Variants in NACC1 observed in about 807,000 individuals in gnomAD.
The protein encoded by NACC1 is nucleus accumbens-associated protein 1.
NACC1 carries 6 observed loss-of-function variants against 41.7 expected under a neutral mutation model. That is an observed-to-expected ratio of 0.14 (90% CI 0.08 to 0.28). The LOEUF is 0.28. Among genes scored for constraint, NACC1 ranks in the 10% least tolerant of loss-of-function variants. NACC1 has a pLI of 1.00. For missense variants in NACC1, 434 were observed against 763.7 expected (o/e 0.57, Z 5.09); for synonymous variants, 338 against 330.6 (o/e 1.02, Z -0.24).
rs1166608140 is a variant in NACC1 at position 13,135,307 on chromosome 19, G to C, written c.100G>C (p.Val34Leu). Residue 34 changes from valine to leucine, a missense_variant, in exon 2 of 6, where the codon GTG (valine) becomes CTG (leucine). Val to Leu is a conservative substitution (Grantham distance 32, BLOSUM62 1). Transcript: ENST00000292431. Reference protein sequence around the residue: ...RLQGLYCDVSVVVKGHAFKAH... With the variant: ...RLQGLYCDVSLVVKGHAFKAH... ...GCAGGGCCTGTACTGTGACGTGTCAGTGGTGGTCAAGGGCCATGCCTTCAA... is the reference window on the plus strand; with the variant it reads ...GCAGGGCCTGTACTGTGACGTGTCACTGGTGGTCAAGGGCCATGCCTTCAA... 6.2e-7 allele frequency: 1 copy of C among 1,613,864 alleles called. No homozygotes were observed. Among genetic ancestry groups the C allele is most frequent in the East Asian group, 2.2e-5 (1 of 44,882 alleles).
Position 13,137,650 on chromosome 19 carries a change from C to A in NACC1, c.1324+75C>A. Reference sequence around the variant, plus strand: ...GACGTTTTTTCCCAGCCTTGGCTCTCAGAGAGGGCTAGAGTTCAGTGTTGA... The same window carrying A: ...GACGTTTTTTCCCAGCCTTGGCTCTAAGAGAGGGCTAGAGTTCAGTGTTGA... On this transcript the variant is annotated intron_variant, in intron 5 of 5. Coordinates refer to ENST00000292431, the MANE Select transcript of NACC1 (RefSeq NM_052876.4). The surrounding 1 kb of genome is among the most constrained non-coding windows in gnomAD (Gnocchi z 6.1). The A allele has an allele frequency of 7.9e-7, 1 of 1,262,652 alleles. No homozygotes were observed. The allele number at this position is 1,262,652 out of a possible 1,614,324, so 78.2% of individuals were successfully genotyped here.
chr19:13,134,481 T>C (rs1277036816), intron 1 of NACC1, among the ~76,000 whole-genome samples: 3 of 151,974 alleles, frequency 2.0e-5, no homozygotes, highest in African/African-American at 7.3e-5. Flanking sequence ...AGTAATTATC[T>C]GGCTTCAGCC....
Position 13,137,872 on chromosome 19 carries a change from G to A in NACC1, c.1325-275G>A, listed in dbSNP as rs2019729114. 6.6e-6 allele frequency among the ~76,000 whole-genome samples: 1 copy of A among 152,230 alleles called. No individual in the cohort carries two copies. Reference sequence around the variant, plus strand: ...AGCCACTCGTCATGGGGGGCATCTAGATTTTCAAGTGACCACTCCCCGTTA... The same window carrying A: ...AGCCACTCGTCATGGGGGGCATCTAAATTTTCAAGTGACCACTCCCCGTTA... On this transcript the variant is annotated intron_variant, in intron 5 of 5. Coordinates refer to ENST00000292431, the MANE Select transcript of NACC1 (RefSeq NM_052876.4). The surrounding 1 kb of genome is among the most constrained non-coding windows in gnomAD (Gnocchi z 6.1).
At chr19:13,128,895 G>A (rs2019597144) in intron 1 of NACC1, among the ~76,000 whole-genome samples, 1 of 152,234 alleles carries the variant, frequency 6.6e-6, no homozygotes. Flanking sequence ...GTCCTGGCCA[G>A]GAAGGTCCCA....
Position 13,138,171 on chromosome 19 carries a change from A to C in NACC1, c.1349A>C (p.Asn450Thr). 1.9e-6 allele frequency: 3 copies of C among 1,614,008 alleles called. No individual in the cohort carries two copies. Among genetic ancestry groups the C allele is most frequent in the Non-Finnish European group, 2.5e-6 (3 of 1,179,916 alleles). Reference sequence around the variant, plus strand: ...GACTACTGCCAGAACTTCGCCCCCAACTTCAAGGAGAGCGAGATGAATGCC... The same window carrying C: ...GACTACTGCCAGAACTTCGCCCCCACCTTCAAGGAGAGCGAGATGAATGCC... ...VKYYCQNFAP[N>T]FKESEMNAIA... The change falls in exon 6 of 6, where the codon AAC (asparagine) becomes ACC (threonine). Residue 450 changes from asparagine (N) to threonine (T), a missense_variant. Asn to Thr is a moderately conservative substitution (Grantham distance 65). Transcript: ENST00000292431. The surrounding 1 kb of genome is among the most constrained non-coding windows in gnomAD (Gnocchi z 5.7).
chr19:13,134,571 G>A (rs529889061), intron 1 of NACC1, among the ~76,000 whole-genome samples: 3 of 152,012 alleles, frequency 2.0e-5, no homozygotes, highest in Admixed American at 2.0e-4. Flanking sequence ...GTTTTGCCAC[G>A]TTGGCCAAGC....
In NACC1 at chr19:13,135,694, G is replaced by A. The variant is rs374752584; in HGVS notation, c.487G>A (p.Val163Met). The A allele has an allele frequency of 8.4e-6, 13 of 1,552,896 alleles. No individual in the cohort carries two copies. In the Admixed American group the frequency reaches 1.9e-4, roughly 23 times the overall value. The change falls in exon 2 of 6, where the codon GTG becomes ATG. Residue 163 changes from valine to methionine, a missense_variant. This residue lies in a region of NACC1 where 234 missense variants were observed against 308.3 expected (regional missense o/e 0.76). Coordinates refer to ENST00000292431, the MANE Select transcript of NACC1 (RefSeq NM_052876.4). ...AGCCTGTAGCACCCCGCTGCCCCTC[G>A]TGTCGCGGGTGAAGACGGAGCAGCA... ...WPACSTPLPL[V>M]SRVKTEQQES...
chr19:13,136,256 A>G lies in NACC1; in HGVS notation c.971A>G (p.Glu324Gly). ...GCCGAGAAGGTGGAGGCCCTCCCGG[A>G]GCAGGTAGCCCCCGAGTCCCGAAAT... ...QTAEKVEALP[E>G]QVAPESRNRI... is the part of the protein sequence containing the mutation. Residue 324 changes from glutamate to glycine, a missense_variant, in exon 3 of 6, where the codon GAG becomes GGG. By Grantham distance (98) the Glu-to-Gly change is moderately conservative. Around this residue, in one of 4 missense-constraint regions of NACC1, gnomAD observed 234 missense variants for 308.3 expected, o/e 0.76. Transcript: ENST00000292431. This position sits in a 1 kb window ranked among gnomAD's most constrained non-coding sequence, Gnocchi z 5.5. The G allele has an allele frequency of 6.2e-7, 1 of 1,613,578 alleles. No individual in the cohort carries two copies. Among genetic ancestry groups the G allele is most frequent in the South Asian group, 1.1e-5 (1 of 91,028 alleles).
chr19:13,135,880 G>C lies in NACC1; in HGVS notation c.673G>C (p.Ala225Pro). 2 of 1,557,742 alleles carry C rather than the reference G, an allele frequency of 1.3e-6. No homozygotes were observed. Among genetic ancestry groups the C allele is most frequent in the South Asian group, 2.3e-5 (2 of 85,406 alleles). The change falls in exon 2 of 6, where the codon GCT becomes CCT. Residue 225 changes from alanine to proline, a missense_variant. Around this residue, in one of 4 missense-constraint regions of NACC1, gnomAD observed 234 missense variants for 308.3 expected, o/e 0.76. Transcript: ENST00000292431. ...TCACCAGCCCCCGCCACCCCAACAG[G>C]CTCCGGTGGTGGCAGCAGCCCAGCC... ...RPHQPPPPQQ[A>P]PVVAAAQPAV... is the part of the protein sequence containing the mutation.
Position 13,124,849 on chromosome 19 carries a change from T to TGGGAGGATTGCTTGAGCCC in NACC1, c.-9+6396_-9+6414dup, listed in dbSNP as rs567391865. Among the ~76,000 whole-genome samples the TGGGAGGATTGCTTGAGCCC allele has an allele frequency of 4.8e-3, 733 of 152,152 alleles. 5 individuals are homozygous for TGGGAGGATTGCTTGAGCCC. The highest frequency in any genetic ancestry group is 0.016 in the African/African-American group (671 of 41,516). ...AACCTCAGCATTTAGGAGGCTGAGA[T>TGGGAGGATTGCTTGAGCCC]GGGAGGATTGCTTGAGCCCAGGAGT... On this transcript the variant is annotated intron_variant, in intron 1 of 5. Transcript: ENST00000292431.
chr19:13,129,111 G>A (rs955106161), intron 1 of NACC1, among the ~76,000 whole-genome samples: 2 of 152,226 alleles, frequency 1.3e-5, no homozygotes, highest in Non-Finnish European at 2.9e-5. Flanking sequence ...GGAGAAGTGA[G>A]TAGCTGAGGG....
In NACC1 at chr19:13,120,004, G is replaced by A. The variant is rs182374427; in HGVS notation, c.-9+1550G>A. Among the ~76,000 whole-genome samples the A allele has an allele frequency of 6.6e-5, 10 of 152,338 alleles. No individual in the cohort carries two copies. The East Asian group carries it at 1.9e-3, about 29-fold the overall frequency. ...GCCCAAACCCATAGTCACTCAAGTG[G>A]CCTTCCAGGAGGGTGACTGAAGGAG... On this transcript the variant is annotated intron_variant, in intron 1 of 5. Transcript: ENST00000292431.
intron 1 of NACC1, among the ~76,000 whole-genome samples, chr19:13,124,978 A>G (rs1599985225): frequency 6.6e-6 from 1 of 152,092 alleles, no homozygotes; most frequent in East Asian, 1.9e-4. Context: ...TCCTGAGAAC[A>G]TATGTCTCTC....
intron 1 of NACC1, among the ~76,000 whole-genome samples, chr19:13,125,611 G>A (rs903944617): frequency 6.6e-6 from 1 of 151,960 alleles, no homozygotes; most frequent in Non-Finnish European, 1.5e-5. Flanking sequence ...GTAGAGACGG[G>A]GTTTCACTGT....
intron 1 of NACC1, among the ~76,000 whole-genome samples, chr19:13,119,593 C>G (rs1160478230): frequency 6.6e-6 from 1 of 152,182 alleles, no homozygotes; most frequent in Admixed American, 6.5e-5. Context: ...ATATTAGTAC[C>G]ATGGCCTCCC....
intron 1 of NACC1, among the ~76,000 whole-genome samples, chr19:13,131,404 G>A (rs1173271861): frequency 6.6e-6 from 1 of 152,178 alleles, no homozygotes; most frequent in Non-Finnish European, 1.5e-5. Flanking sequence ...CTTGTCATGT[G>A]GGCCCCAGTA....
chr19:13,126,787 G>A (rs1476360007), intron 1 of NACC1, among the ~76,000 whole-genome samples: 1 of 152,150 alleles, frequency 6.6e-6, no homozygotes, highest in Non-Finnish European at 1.5e-5. Flanking sequence ...AGGGAGTTAG[G>A]TTAGGAGGAA....
In NACC1 at chr19:13,122,528, G is replaced by T. The variant is rs1038518053; in HGVS notation, c.-9+4074G>T. 6.8e-4 allele frequency among the ~76,000 whole-genome samples: 102 copies of T among 150,872 alleles called. 1 individual carries two copies. Among genetic ancestry groups the T allele is most frequent in the South Asian group, 2.8e-3 (13 of 4,706 alleles). Reference sequence around the variant, plus strand: ...ACATTTTTGGTTGCCCCTGCCGGGGGGGGGGGGGTGTGCTGCTGGCATCTA... The same window carrying T: ...ACATTTTTGGTTGCCCCTGCCGGGGTGGGGGGGGTGTGCTGCTGGCATCTA... On this transcript the variant is annotated intron_variant, in intron 1 of 5. Coordinates refer to ENST00000292431, the MANE Select transcript of NACC1 (RefSeq NM_052876.4).
In NACC1 at chr19:13,135,731, C is replaced by T; in HGVS notation, c.524C>T (p.Ser175Phe). 1 of 1,557,462 alleles carries T rather than the reference C, an allele frequency of 6.4e-7. No individual in the cohort carries two copies. The highest frequency in any genetic ancestry group is 2.3e-5 in the East Asian group (1 of 42,586). ...RVKTEQQESD[S>F]VQCMPVAKRL... ...AAGACGGAGCAGCAGGAGTCGGACT[C>T]CGTGCAGTGCATGCCCGTGGCCAAG... Residue 175 changes from serine to phenylalanine, a missense_variant, in exon 2 of 6, where the codon TCC (serine) becomes TTC (phenylalanine). By Grantham distance (155) the Ser-to-Phe change is radical (BLOSUM62 -2). Coordinates refer to ENST00000292431, the MANE Select transcript of NACC1 (RefSeq NM_052876.4).
Sources: allele counts gnomAD v4.1 joint callset (sites outside exome capture counted in the v4.1 genomes callset), GRCh38; gene constraint gnomAD v4.1.1; regional missense constraint gnomAD v4.1.1; non-coding constraint Gnocchi (gnomAD v3.1); transcripts MANE v1.5; gene names NCBI Gene and HGNC (gene_info 2026-07-23, HGNC 2026-07-21).